CMYA5: variants seen among roughly 807,000 people sequenced by gnomAD.
CMYA5 encodes cardiomyopathy-associated protein 5.
CMYA5 carries 246 observed loss-of-function variants against 318.9 expected under a neutral mutation model. The ratio of observed to expected loss-of-function variants is 0.77; its 90% CI spans 0.70 to 0.86. CMYA5 has a LOEUF of 0.86. Ranked by LOEUF, CMYA5 falls within the 40% of genes least tolerant of loss-of-function variation. CMYA5 has a pLI of 0.00. For synonymous variants in CMYA5, 1,641 were observed against 1,729.5 expected (o/e 0.95, Z 1.27); for missense variants, 4,589 against 4,678.2 (o/e 0.98, Z 0.56).
intron 1 of CMYA5, among the ~76,000 whole-genome samples, chr5:79,712,795 T>C (rs1221073916): frequency 6.6e-6 from 1 of 152,080 alleles, no homozygotes; most frequent in Non-Finnish European, 1.5e-5. Flanking sequence ...GTTATAATTG[T>C]ATTAGGAAAA....
intron 6 of CMYA5, among the ~76,000 whole-genome samples, chr5:79,758,006 G>A (rs949578675): frequency 2.6e-5 from 4 of 151,956 alleles, no homozygotes; most frequent in African/African-American, 9.7e-5. Flanking sequence ...GAGGCGGGTG[G>A]AATCCTTGAG....
In CMYA5 at chr5:79,761,907, T is replaced by G; in HGVS notation, c.11357T>G (p.Val3786Gly). 1 of 1,613,790 alleles carries G rather than the reference T, an allele frequency of 6.2e-7. No homozygotes were observed. Reference sequence around the variant, plus strand: ...TGCTATCAAGTGTGGGTGATGGCTGTGAACTTCACTGGATGTAGCCTGCCC... The same window carrying G: ...TGCTATCAAGTGTGGGTGATGGCTGGGAACTTCACTGGATGTAGCCTGCCC... ...DRCYQVWVMA[V>G]NFTGCSLPSE... The change falls in exon 8 of 13, where the codon GTG becomes GGG. Residue 3786 changes from valine (V) to glycine (G), a missense_variant. Transcript: ENST00000446378.
intron 5 of CMYA5, 99 bp downstream of exon 5, chr5:79,747,212 A>G: frequency 8.5e-7 from 1 of 1,174,250 alleles, no homozygotes; most frequent in East Asian, 2.8e-5. Context: ...CCAATTAAAA[A>G]ATGCATTTAG....
intron 1 of CMYA5, among the ~76,000 whole-genome samples, chr5:79,722,676 CA>C (rs1264491231): frequency 0.076 from 5,600 of 73,536 alleles, 66 homozygotes; most frequent in East Asian, 0.2. Context: ...GACTCTGTCT[CA>C]AAAAAAAAAA....
intron 9 of CMYA5, among the ~76,000 whole-genome samples, chr5:79,785,504 A>G (rs1031165876): frequency 6.6e-6 from 1 of 151,732 alleles, no homozygotes; most frequent in African/African-American, 2.4e-5. Context: ...CTTTATATAG[A>G]TCTTATATCT....
intron 1 of CMYA5, 86 bp from the exon 2 acceptor site, chr5:79,728,829 T>C (rs1827802895): frequency 3.3e-6 from 2 of 599,014 alleles, no homozygotes; most frequent in Non-Finnish European, 4.7e-6. Context: ...ATTAATCCTT[T>C]ACCTGGTAAA....
At chr5:79,695,457 G>A (rs1827049386) in intron 1 of CMYA5, among the ~76,000 whole-genome samples, 1 of 152,202 alleles carries the variant, frequency 6.6e-6, no homozygotes. Flanking sequence ...AGTCTCTGAT[G>A]TTTTTTAAAT....
chr5:79,713,469 T>C (rs932416176), intron 1 of CMYA5, among the ~76,000 whole-genome samples: 2 of 152,130 alleles, frequency 1.3e-5, no homozygotes, highest in Admixed American at 6.5e-5. Flanking sequence ...GCTTATTTAT[T>C]TTGGTTCTCT....
chr5:79,755,918 G>A (rs951920164), intron 6 of CMYA5, among the ~76,000 whole-genome samples: 2 of 152,074 alleles, frequency 1.3e-5, no homozygotes, highest in East Asian at 1.9e-4. Flanking sequence ...TAATTTACCC[G>A]AGAAAGAGAG....
chr5:79,787,738 A>G (rs1274412149), intron 9 of CMYA5, among the ~76,000 whole-genome samples: 14 of 152,378 alleles, frequency 9.2e-5, no homozygotes, highest in African/African-American at 3.4e-4. Flanking sequence ...TCTGAGGAGC[A>G]CAACATGAGT....
intron 9 of CMYA5, among the ~76,000 whole-genome samples, chr5:79,776,476 T>C (rs749868451): frequency 6.6e-6 from 1 of 152,332 alleles, no homozygotes; most frequent in Non-Finnish European, 1.5e-5. Context: ...GCTCATGTTC[T>C]CAAGTAGTTT....
In CMYA5 at chr5:79,743,759, G is replaced by A. The variant is rs1828264931; in HGVS notation, c.10639-68G>A. 1.2e-5 allele frequency: 9 copies of A among 750,836 alleles called. 1 individual carries two copies. Among genetic ancestry groups the A allele is most frequent in the Non-Finnish European group, 1.9e-5 (9 of 466,334 alleles). The allele number at this position is 750,836 out of a possible 1,614,324, so 46.5% of individuals were successfully genotyped here. On this transcript the variant is annotated intron_variant, in intron 2 of 12. Coordinates refer to ENST00000446378, the MANE Select transcript of CMYA5 (RefSeq NM_153610.5). ...AACATACTAAATTTATAAGGAACTT[G>A]GAGCTCACTGGTTGAAGTTCTCTTC...
intron 1 of CMYA5, among the ~76,000 whole-genome samples, chr5:79,690,900 A>G (rs911977732): frequency 2.0e-5 from 3 of 152,322 alleles, no homozygotes; most frequent in East Asian, 1.9e-4. Context: ...TTACCTAATC[A>G]AAGCCAGCAG....
At position 79,731,845 on chromosome 5, in the gene CMYA5, T is replaced by A; in HGVS notation, c.3080T>A (p.Leu1027Ter). 6.2e-7 allele frequency: 1 copy of A among 1,613,344 alleles called. No homozygotes were observed. The highest frequency in any genetic ancestry group is 8.5e-7 in the Non-Finnish European group (1 of 1,179,762). ...AATGAACTTGAGCCTGATTCACTAT[T>A]AACTGCAGTGTCTGCTTCAGGTTAT... The part of the protein sequence containing the change: ...EKNELEPDSL[L>*]TAVSASGYSC... The change falls in exon 2 of 13, where the codon TTA (leucine) becomes TAA (stop). Residue 1027 changes from leucine to a stop codon, truncating the protein, a stop_gained. Coordinates refer to ENST00000446378, the MANE Select transcript of CMYA5 (RefSeq NM_153610.5). LOFTEE classifies it high-confidence loss of function.
chr5:79,735,210 C>T lies in CMYA5; in HGVS notation c.6445C>T (p.Pro2149Ser). 2 of 1,613,834 alleles carry T rather than the reference C, an allele frequency of 1.2e-6. No homozygotes were observed. The highest frequency in any genetic ancestry group is 1.7e-6 in the Non-Finnish European group (2 of 1,179,798). ...HAREPQSPES[P>S]EVTQNPPTQP... ...AAGAGAGCCTCAATCCCCAGAGTCA[C>T]CTGAGGTGACACAAAATCCACCTAC... The change falls in exon 2 of 13, where the codon CCT becomes TCT. Residue 2149 changes from proline to serine, a missense_variant. Physicochemically the swap from Pro to Ser is moderately conservative, Grantham distance 74. Transcript: ENST00000446378.
At chr5:79,698,376 C>G (rs2151074894) in intron 1 of CMYA5, among the ~76,000 whole-genome samples, 1 of 152,294 alleles carries the variant, frequency 6.6e-6, no homozygotes, top group East Asian at 1.9e-4. Flanking sequence ...GGCTGTGCCA[C>G]TTACTAGTTG....
intron 9 of CMYA5, among the ~76,000 whole-genome samples, chr5:79,773,502 T>A (rs1327920796): frequency 6.6e-6 from 1 of 152,192 alleles, no homozygotes; most frequent in Non-Finnish European, 1.5e-5. Flanking sequence ...ACATAGGTTC[T>A]GGATTTCATG....
chr5:79,790,938 A>G, intron 10 of CMYA5, 32 bp from the exon 11 acceptor site: 5 of 1,467,776 alleles, frequency 3.4e-6, no homozygotes, highest in Non-Finnish European at 4.8e-6. Context: ...CCTTGTGGCA[A>G]TGTTTTAATA....
rs1415399996 is a variant in CMYA5, at chr5:79,734,563, T to C, written c.5798T>C (p.Val1933Ala). 6.2e-7 allele frequency: 1 copy of C among 1,613,918 alleles called. No homozygotes were observed. The highest frequency in any genetic ancestry group is 8.5e-7 in the Non-Finnish European group (1 of 1,179,842). Reference protein sequence around the residue: ...ELRPGQLKAAVSSKDHTCEVR... With the variant: ...ELRPGQLKAAASSKDHTCEVR... ...AGGCCAGGGCAGCTCAAGGCTGCTG[T>C]GTCCAGTAAGGACCATACATGTGAA... The change falls in exon 2 of 13, where the codon GTG becomes GCG. Residue 1933 changes from valine (V) to alanine (A), a missense_variant. By Grantham distance (64) the Val-to-Ala change is moderately conservative. This residue lies in a region of CMYA5 where 2,431 missense variants were observed against 2,495.1 expected (regional missense o/e 0.97). Transcript: ENST00000446378.
Sources: allele counts gnomAD v4.1 joint callset (sites outside exome capture counted in the v4.1 genomes callset), GRCh38; gene constraint gnomAD v4.1.1; regional missense constraint gnomAD v4.1.1; transcripts MANE v1.5; gene names NCBI Gene and HGNC (gene_info 2026-07-23, HGNC 2026-07-21).